KLHL8: variants seen among roughly 807,000 people sequenced by gnomAD.
KLHL8 encodes the protein kelch-like protein 8.
Under a neutral mutation model 63.5 loss-of-function variants are expected in KLHL8, and 38 were observed. The observed-to-expected ratio is 0.60, with a 90% confidence interval of 0.46 to 0.78. The LOEUF is 0.78. Ranked by LOEUF, KLHL8 falls within the 30% of genes least tolerant of loss-of-function variation. The pLI is 0.00. For synonymous variants in KLHL8, 224 were observed against 254.3 expected, an observed-to-expected ratio of 0.88 and a Z score of 1.13; for missense variants, 566 against 752.4, an observed-to-expected ratio of 0.75 and a Z score of 2.90.
At chr4:87,167,711 C>T in intron 8 of KLHL8, 1 of 367,684 alleles carries the variant, frequency 2.7e-6, no homozygotes, top group Non-Finnish European at 5.4e-6. Flanking sequence ...TAGCAAGAAG[C>T]CCACTGACTG....
intron 1 of KLHL8, among the ~76,000 whole-genome samples, chr4:87,204,000 G>C (rs1419630934): frequency 6.6e-6 from 1 of 152,120 alleles, no homozygotes; most frequent in Non-Finnish European, 1.5e-5. Flanking sequence ...CACCAGTGAA[G>C]ACACATGGAT....
rs1433819172 is a variant in KLHL8 at position 87,216,033 on chromosome 4, T to C, written c.-152+4385A>G. On this transcript the variant is annotated intron_variant, in intron 1 of 9. Transcript: ENST00000273963. The stretch of plus-strand genomic sequence containing the variant: ...TGTTTTGTTGTGAAAACAAAGAACA[T>C]CCAAATTTAGAATAAACAAGCCAAA... Among the ~76,000 whole-genome samples the C allele has an allele frequency of 2.6e-5, 4 of 152,298 alleles. No individual in the cohort carries two copies. In the East Asian group the frequency reaches 7.7e-4, roughly 29 times the overall value.
In KLHL8 at chr4:87,167,534, C is replaced by A. The variant is rs371354733; in HGVS notation, c.1537+2545G>T. ...CGGTTGTGTCCTGGCTAAATCAGAA[C>A]TCGAATGGCCTTGTCTTTCTGCTCT... On this transcript the variant is annotated intron_variant, in intron 8 of 9. Coordinates refer to ENST00000273963, the MANE Select transcript of KLHL8 (RefSeq NM_020803.5). 378 of 541,336 alleles carry A rather than the reference C, an allele frequency of 7.0e-4. 6 individuals carry two copies. Among genetic ancestry groups the A allele is most frequent in the South Asian group, 5.2e-3 (360 of 69,824 alleles). The allele number at this position is 541,336 out of a possible 1,614,324, so 33.5% of individuals were successfully genotyped here. A position where few individuals can be genotyped will look rare whatever the true frequency, so the allele number is the denominator to read the frequency against.
At chr4:87,181,375 C>T (rs971617091) in intron 4 of KLHL8, among the ~76,000 whole-genome samples, 3 of 152,048 alleles carry the variant, frequency 2.0e-5, no homozygotes, top group East Asian at 3.9e-4. Flanking sequence ...CACTGCTCCC[C>T]AGCCTGGGTG....
chr4:87,224,554 GA>G (rs1732940065), upstream of KLHL8, among the ~76,000 whole-genome samples: 1 of 152,192 alleles, frequency 6.6e-6, no homozygotes, highest in Non-Finnish European at 1.5e-5. Context: ...CGTACTTAAA[GA>G]GCCTGAACAC....
intron 1 of KLHL8, among the ~76,000 whole-genome samples, chr4:87,226,706 TA>T (rs766350610): frequency 4.7e-5 from 1 of 21,156 alleles, no homozygotes; most frequent in Non-Finnish European, 7.0e-5. Context: ...TATTTATATA[TA>T]ATATATATTA....
chr4:87,186,663 A>G (rs985593726), intron 2 of KLHL8, among the ~76,000 whole-genome samples: 9 of 151,666 alleles, frequency 5.9e-5, no homozygotes, highest in Admixed American at 2.0e-4. Context: ...ATTTTTCAGT[A>G]GGGACAGGGT....
Position 87,163,020 on chromosome 4 carries a change from A to G in KLHL8, c.*499T>C, listed in dbSNP as rs879051880. The stretch of plus-strand genomic sequence containing the variant: ...AATTGAAAAATCACCACCTAGAAAA[A>G]AAAAGCTAGGCATAAATTCATCAGC... On this transcript the variant is annotated 3_prime_UTR_variant, in exon 10 of 10. Transcript: ENST00000273963. 6.6e-6 allele frequency: 1 copy of G among 152,172 alleles called. No individual in the cohort carries two copies. Among genetic ancestry groups the G allele is most frequent in the African/African-American group, 2.4e-5 (1 of 41,446 alleles). 9.4% of individuals were successfully genotyped at this position (152,172 alleles called of 1,614,324 possible). A position where few individuals can be genotyped will look rare whatever the true frequency, so the allele number is the denominator to read the frequency against.
chr4:87,213,753 T>G (rs1469691675), intron 1 of KLHL8, among the ~76,000 whole-genome samples: 2 of 152,248 alleles, frequency 1.3e-5, no homozygotes, highest in African/African-American at 4.8e-5. Context: ...AGTTTCCTTC[T>G]GGTTCAAAAT....
intron 2 of KLHL8, among the ~76,000 whole-genome samples, chr4:87,186,723 A>T (rs1365149690): frequency 1.3e-5 from 2 of 151,870 alleles, no homozygotes; most frequent in East Asian, 3.9e-4. Flanking sequence ...CAAGTGATTC[A>T]CGCACTTTGG....
At position 87,229,731 on chromosome 4, in the gene KLHL8, C is replaced by G. The variant is rs185282679; in HGVS notation, n.58-8341G>C. ...ACAAGCGTGAGCCACTGCACCTGGCCTACTTTTTTTTTTTTTTGAGATGGA... is the reference window on the plus strand; with the variant it reads ...ACAAGCGTGAGCCACTGCACCTGGCGTACTTTTTTTTTTTTTTGAGATGGA... On this transcript the variant is annotated intron_variant and non_coding_transcript_variant, in intron 1 of 1. Transcript: ENST00000506274. Among the ~76,000 whole-genome samples the G allele has an allele frequency of 7.2e-3, 1,088 of 150,580 alleles. 19 individuals are homozygous for G. Among genetic ancestry groups the G allele is most frequent in the African/African-American group, 0.025 (1,038 of 40,940 alleles).
chr4:87,170,234 T>C lies in KLHL8; in HGVS notation c.1382A>G (p.His461Arg). The C allele has an allele frequency of 6.2e-7, 1 of 1,606,392 alleles. No individual in the cohort carries two copies. Among genetic ancestry groups the C allele is most frequent in the Non-Finnish European group, 8.5e-7 (1 of 1,177,270 alleles). The change falls in exon 8 of 10, where the codon CAT becomes CGT. Residue 461 changes from histidine to arginine, a missense_variant. His to Arg is a conservative substitution (Grantham distance 29). Coordinates refer to ENST00000273963, the MANE Select transcript of KLHL8 (RefSeq NM_020803.5). ...ATCATTGCCACCTACTGCATAAACA[T>C]GGTTCTAAATGAAGAGAGTCAAACA... ...GGVGSVALVNHVYAVGGNDGM... is the reference protein window; with the variant it reads ...GGVGSVALVNRVYAVGGNDGM...
At chr4:87,229,441 G>T (rs1273837284) in intron 1 of KLHL8, among the ~76,000 whole-genome samples, 14 of 150,112 alleles carry the variant, frequency 9.3e-5, no homozygotes, top group Admixed American at 2.0e-4. Flanking sequence ...TTTTTGGTGG[G>T]GGGGGGTGCA....
In KLHL8 at chr4:87,163,623, C is replaced by T; in HGVS notation, c.1759G>A (p.Val587Met). The T allele has an allele frequency of 6.2e-7, 1 of 1,613,892 alleles. No individual in the cohort carries two copies. Among genetic ancestry groups the T allele is most frequent in the Non-Finnish European group, 8.5e-7 (1 of 1,179,964 alleles). Residue 587 changes from valine (V) to methionine (M), a missense_variant, in exon 10 of 10, where the codon GTG becomes ATG. Physicochemically the swap from Val to Met is conservative, Grantham distance 21. Coordinates refer to ENST00000273963, the MANE Select transcript of KLHL8 (RefSeq NM_020803.5). ...VLNRWELVGS[V>M]SHCRAGAGVA... ...CCTGCTCCAGCTCTGCAGTGAGACA[C>T]AGATCCAACAAGCTCCCACCTGAAA...
intron 6 of KLHL8, among the ~76,000 whole-genome samples, chr4:87,175,402 G>T (rs750288801): frequency 6.6e-6 from 1 of 151,926 alleles, no homozygotes; most frequent in Admixed American, 6.5e-5. Context: ...GTTTCATAAT[G>T]GTTCAGGTAC....
At chr4:87,167,352 A>G in intron 8 of KLHL8, 1 of 432,830 alleles carries the variant, frequency 2.3e-6, no homozygotes, top group Non-Finnish European at 4.5e-6. Flanking sequence ...ACATTTATAA[A>G]GAGCCATCTA....
upstream of KLHL8, among the ~76,000 whole-genome samples, chr4:87,223,725 C>A (rs959515715): frequency 1.6e-4 from 25 of 151,840 alleles, no homozygotes; most frequent in Non-Finnish European, 2.1e-4. Context: ...CAAAAAAAAT[C>A]TTTCCCTAAA....
intron 5 of KLHL8, among the ~76,000 whole-genome samples, chr4:87,178,012 T>G (rs1210321784): frequency 6.6e-6 from 1 of 152,208 alleles, no homozygotes; most frequent in Non-Finnish European, 1.5e-5. Context: ...TTTATGAAAA[T>G]GTTTTTATAT....
chr4:87,178,121 A>G (rs979666999), intron 5 of KLHL8, among the ~76,000 whole-genome samples: 2 of 152,170 alleles, frequency 1.3e-5, no homozygotes, highest in Non-Finnish European at 1.5e-5. Context: ...TTTCAGGAAT[A>G]AGTAAAAAAA....
Sources: allele counts gnomAD v4.1 joint callset (sites outside exome capture counted in the v4.1 genomes callset), GRCh38; gene constraint gnomAD v4.1.1; transcripts MANE v1.5; gene names NCBI Gene and HGNC (gene_info 2026-07-23, HGNC 2026-07-21).